ACSBG2: variants seen among roughly 807,000 people sequenced by gnomAD.
ACSBG2 encodes acyl-CoA synthetase bubblegum family member 2.
ACSBG2 carries 62 observed loss-of-function variants against 74.7 expected under a neutral mutation model. The observed-to-expected ratio is 0.83, with a 90% CI of 0.68 to 1.03. The LOEUF (loss-of-function observed/expected upper bound fraction) is 1.03. Ranked by LOEUF, ACSBG2 falls within the 50% of genes least tolerant of loss-of-function variation. The pLI, the probability that ACSBG2 is intolerant of heterozygous loss-of-function variation, is 0.00. For missense variants in ACSBG2, 730 were observed against 817.6 expected (o/e 0.89, Z 1.31); for synonymous variants, 309 against 294.1 (o/e 1.05, Z -0.52).
chr19:6,166,636 G>A (rs962860901), intron 7 of ACSBG2, among the ~76,000 whole-genome samples: 3 of 151,566 alleles, frequency 2.0e-5, no homozygotes, highest in African/African-American at 7.3e-5. Flanking sequence ...AGTTGTGTGT[G>A]TGTTTTGTTT....
intron 3 of ACSBG2, among the ~76,000 whole-genome samples, chr19:6,149,230 G>A (rs1040807188): frequency 6.6e-6 from 1 of 152,128 alleles, no homozygotes; most frequent in African/African-American, 2.4e-5. Flanking sequence ...AACACACTCT[G>A]TCCACAATAA....
intron 8 of ACSBG2, among the ~76,000 whole-genome samples, chr19:6,179,618 T>C (rs2090189402): frequency 6.6e-6 from 1 of 152,188 alleles, no homozygotes; most frequent in South Asian, 2.1e-4. Flanking sequence ...ACAATATTTA[T>C]TTATTTATTT....
rs561401417 is a variant in ACSBG2 at position 6,163,797 on chromosome 19, A to C, written c.589-2069A>C. 7.8e-4 allele frequency among the ~76,000 whole-genome samples: 116 copies of C among 149,180 alleles called. 1 individual carries two copies. The highest frequency in any genetic ancestry group is 2.4e-3 in the South Asian group (11 of 4,670). On this transcript the variant is annotated intron_variant, in intron 6 of 14. Coordinates refer to ENST00000588485, the MANE Select transcript of ACSBG2 (RefSeq NM_030924.5). ...AAAATAAAATACAAAAAAAAAAAAA[A>C]AAAACAGCCAGGCGTGGTGGTGCAT...
In ACSBG2 at chr19:6,165,995, G is replaced by A. The variant is rs954301528; in HGVS notation, c.718G>A (p.Val240Met). The A allele has an allele frequency of 2.5e-6, 4 of 1,613,978 alleles. No individual in the cohort carries two copies. Among genetic ancestry groups the A allele is most frequent in the African/African-American group, 1.3e-5 (1 of 74,924 alleles). The part of the protein sequence containing the change: ...TSGTTGIPKG[V>M]MLSHDNITWI... ...AGGGACCACAGGCATACCCAAGGGA[G>A]TGATGCTCAGTCATGACAACGTACG... is the stretch of plus-strand genomic sequence containing the variant. Residue 240 changes from valine (V) to methionine (M), a missense_variant, in exon 7 of 15, where the codon GTG (valine) becomes ATG (methionine). Physicochemically the swap from Val to Met is conservative, Grantham distance 21. Transcript: ENST00000588485.
chr19:6,182,974 G>T, intron 9 of ACSBG2, 42 bp downstream of exon 9: 1 of 1,612,460 alleles, frequency 6.2e-7, no homozygotes, highest in African/African-American at 1.3e-5. Context: ...AGTTGGTGAG[G>T]AGGCTCAGCC....
intron 7 of ACSBG2, among the ~76,000 whole-genome samples, chr19:6,175,581 G>T (rs978875940): frequency 6.6e-6 from 1 of 152,124 alleles, no homozygotes; most frequent in Admixed American, 6.5e-5. Context: ...TGAAGAAAGA[G>T]CATTCCAAGC....
Position 6,141,685 on chromosome 19 carries a change from G to A in ACSBG2, c.67+75G>A. ...ACAAAGGCTCTTTGCAGAGGAGTCTGGATCTAGAAAGATGTAGCCATTCCT... is the reference window on the plus strand; with the variant it reads ...ACAAAGGCTCTTTGCAGAGGAGTCTAGATCTAGAAAGATGTAGCCATTCCT... On this transcript the variant is annotated intron_variant, in intron 2 of 14. Coordinates refer to ENST00000588485, the MANE Select transcript of ACSBG2 (RefSeq NM_030924.5). 3 of 1,012,214 alleles carry A rather than the reference G, an allele frequency of 3.0e-6. No homozygotes were observed. In the Admixed American group the frequency reaches 5.6e-5, roughly 19 times the overall value. 62.7% of individuals were successfully genotyped at this position (1,012,214 alleles called of 1,614,324 possible). A position where few individuals can be genotyped will look rare whatever the true frequency, so the allele number is the denominator to read the frequency against.
At chr19:6,183,344 A>T in intron 10 of ACSBG2, 72 bp downstream of exon 10, 1 of 1,351,290 alleles carries the variant, frequency 7.4e-7, no homozygotes, top group South Asian at 1.2e-5. Context: ...GGGTGGATAG[A>T]TGGGCCTCTG....
chr19:6,153,912 AAAAAG>A (rs71172792), intron 4 of ACSBG2, among the ~76,000 whole-genome samples: 2,720 of 151,662 alleles, frequency 0.018, 37 homozygotes, highest in Non-Finnish European at 0.031. Context: ...AAGGAAAAGA[AAAAAG>A]AAAAGAAAAG....
chr19:6,152,879 T>C (rs1600041143), intron 4 of ACSBG2, among the ~76,000 whole-genome samples: 1 of 152,186 alleles, frequency 6.6e-6, no homozygotes, highest in South Asian at 2.1e-4. Context: ...ATTTTAAGCA[T>C]TTTTGATGTC....
intron 6 of ACSBG2, among the ~76,000 whole-genome samples, chr19:6,164,568 GA>G (rs2089736591): frequency 6.6e-6 from 1 of 152,070 alleles, no homozygotes. Flanking sequence ...GAGGAGCTGG[GA>G]TTACAGGCGC....
At position 6,182,843 on chromosome 19, in the gene ACSBG2, A is replaced by G. The variant is rs998083695; in HGVS notation, c.999A>G (p.Lys333=). 6.2e-7 allele frequency: 1 copy of G among 1,614,038 alleles called. No individual in the cohort carries two copies. The highest frequency in any genetic ancestry group is 8.5e-7 in the Non-Finnish European group (1 of 1,180,042). ...IWEKIHEMVK[K]NSAKSMGLKK... ...AGAAGATACATGAGATGGTGAAGAAAAATAGTGCCAAGTCCATGGGCTTGA... is the reference window on the plus strand; with the variant it reads ...AGAAGATACATGAGATGGTGAAGAAGAATAGTGCCAAGTCCATGGGCTTGA... The change falls in exon 9 of 15, where the codon AAA becomes AAG. Residue 333 remains lysine, a synonymous_variant. Coordinates refer to ENST00000588485, the MANE Select transcript of ACSBG2 (RefSeq NM_030924.5).
At chr19:6,155,757 G>C (rs1328428935) in intron 4 of ACSBG2, among the ~76,000 whole-genome samples, 1 of 139,908 alleles carries the variant, frequency 7.1e-6, no homozygotes, top group Non-Finnish European at 1.5e-5. Flanking sequence ...ACCACTGCAG[G>C]CCAGCCTGGG....
At chr19:6,145,413 G>C (rs2088993522) in intron 2 of ACSBG2, among the ~76,000 whole-genome samples, 2 of 129,732 alleles carry the variant, frequency 1.5e-5, no homozygotes, top group Admixed American at 1.7e-4. Context: ...CCTGGAGATA[G>C]AGCAAGACTC....
intron 8 of ACSBG2, among the ~76,000 whole-genome samples, chr19:6,179,812 C>T (rs1193196062): frequency 3.9e-5 from 6 of 151,988 alleles, no homozygotes; most frequent in Admixed American, 3.3e-4. Flanking sequence ...GGGATTTCAC[C>T]ATGTTGGCAA....
In ACSBG2 at chr19:6,174,296, AT is replaced by A. The variant is rs1397659222; in HGVS notation, c.739-2930del. ...CTCCCAACAGCAAGTGGTCCCAAAG[AT>A]TTGTCAGTCCCAGAATTTCCACAGC... On this transcript the variant is annotated intron_variant, in intron 7 of 14. Coordinates refer to ENST00000588485, the MANE Select transcript of ACSBG2 (RefSeq NM_030924.5). This position sits in a 1 kb window ranked among gnomAD's most constrained non-coding sequence, Gnocchi z 4.2. Among the ~76,000 whole-genome samples, 2 of 152,104 alleles carry A rather than the reference AT, an allele frequency of 1.3e-5. No homozygotes were observed. The highest frequency in any genetic ancestry group is 2.4e-5 in the African/African-American group (1 of 41,428).
At chr19:6,147,172 G>A (rs1168092084) in intron 2 of ACSBG2, among the ~76,000 whole-genome samples, 1 of 152,106 alleles carries the variant, frequency 6.6e-6, no homozygotes, top group Admixed American at 6.6e-5. Flanking sequence ...ATAAAATATG[G>A]TAAAACGCTA....
chr19:6,136,183 C>T (rs1215100645), intron 1 of ACSBG2, among the ~76,000 whole-genome samples: 1 of 149,516 alleles, frequency 6.7e-6, no homozygotes, highest in Non-Finnish European at 1.5e-5. Context: ...GCTTCGCCTC[C>T]CAGGTTCACA....
chr19:6,142,693 C>CAGTG (rs1359854655), intron 2 of ACSBG2, among the ~76,000 whole-genome samples: 2 of 146,200 alleles, frequency 1.4e-5, no homozygotes, highest in Admixed American at 1.4e-4. Flanking sequence ...GTAGAGCTTG[C>CAGTG]AGTGAGCCGA....
Sources: gnomAD v4.1 joint callset for allele counts (sites outside exome capture counted in the v4.1 genomes callset) on GRCh38, gnomAD v4.1.1 for gene constraint, Gnocchi (gnomAD v3.1) non-coding constraint, MANE v1.5 for transcripts, NCBI Gene and HGNC (gene_info 2026-07-23, HGNC 2026-07-21) for gene names.